The following NRG1 variants were observed in gnomAD, a reference collection of about 807,000 sequenced individuals.
NRG1 encodes neuregulin 1, also known as pro-neuregulin-1, membrane-bound isoform.
In NRG1, 18 loss-of-function variants were observed where a neutral mutation model predicts 63.8. The observed-to-expected ratio is 0.28, with a 90% confidence interval of 0.19 to 0.42. NRG1 has a LOEUF of 0.42. NRG1 is among the 10% of genes least tolerant of loss of function. The pLI, the probability that NRG1 is intolerant of heterozygous loss-of-function variation, is 1.00. For missense variants in NRG1, 762 were observed against 814.7 expected (o/e 0.94, Z 0.79); for synonymous variants, 302 against 301.3 (o/e 1.00, Z -0.02).
At chr8:31,733,040 T>G (rs947066738) in intron 1 of NRG1, among the ~76,000 whole-genome samples, 20 of 152,224 alleles carry the variant, frequency 1.3e-4, no homozygotes, top group Admixed American at 1.2e-3. Flanking sequence ...TAGCTCCCAC[T>G]TGTAAATGAG....
chr8:32,743,183 AT>A (rs1402852839), intron 7 of NRG1: 1 of 986,706 alleles, frequency 1.0e-6, no homozygotes, highest in African/African-American at 1.7e-5. Context: ...GTTAATTTTG[AT>A]TCAGAATGTG....
At chr8:32,457,129 C>T (rs982368708) in intron 1 of NRG1, among the ~76,000 whole-genome samples, 4 of 151,882 alleles carry the variant, frequency 2.6e-5, no homozygotes, top group African/African-American at 9.7e-5. Context: ...GAGACTTTCT[C>T]AAAAAAATAA....
At chr8:32,589,596 G>A (rs1416235246) in intron 1 of NRG1, among the ~76,000 whole-genome samples, 2 of 152,184 alleles carry the variant, frequency 1.3e-5, no homozygotes, top group East Asian at 3.8e-4. Flanking sequence ...CACAAACGTG[G>A]AGAGTAAAGA....
intron 1 of NRG1, among the ~76,000 whole-genome samples, chr8:31,928,344 G>A (rs1393634286): frequency 9.7e-6 from 1 of 102,728 alleles, no homozygotes; most frequent in East Asian, 2.5e-4. Context: ...ATTTTGGCAT[G>A]GATGTGGTAA....
intron 1 of NRG1, among the ~76,000 whole-genome samples, chr8:32,022,068 G>T (rs1057215876): frequency 1.3e-5 from 2 of 152,036 alleles, no homozygotes; most frequent in Admixed American, 6.5e-5. Flanking sequence ...TGTTGTTGTT[G>T]TTGTTATATC....
At chr8:32,478,620 T>C (rs1380065455) in intron 1 of NRG1, among the ~76,000 whole-genome samples, 1 of 152,024 alleles carries the variant, frequency 6.6e-6, no homozygotes, top group African/African-American at 2.4e-5. Flanking sequence ...GCATCAACAA[T>C]CAACTACGAA....
chr8:32,682,891 C>T (rs1809059597), intron 5 of NRG1, among the ~76,000 whole-genome samples: 1 of 151,924 alleles, frequency 6.6e-6, no homozygotes, highest in African/African-American at 2.4e-5. Flanking sequence ...AAGAAAATTC[C>T]TAGATAAACT....
chr8:32,612,347 G>A (rs1402698290), intron 3 of NRG1, among the ~76,000 whole-genome samples: 1 of 151,986 alleles, frequency 6.6e-6, no homozygotes, highest in African/African-American at 2.4e-5. Flanking sequence ...TAATTAAAAA[G>A]ATTAACTTTC....
intron 1 of NRG1, among the ~76,000 whole-genome samples, chr8:32,062,184 C>T (rs1823993834): frequency 6.6e-6 from 1 of 152,026 alleles, no homozygotes; most frequent in African/African-American, 2.4e-5. Context: ...TTCACTCATG[C>T]ATCTGTCATA....
chr8:31,944,676 CCTGATACACT>C (rs1245301628), intron 1 of NRG1, among the ~76,000 whole-genome samples: 2 of 151,952 alleles, frequency 1.3e-5, no homozygotes, highest in Non-Finnish European at 2.9e-5. Flanking sequence ...TAAACATACA[CCTGATACACT>C]CTCATCCTTT....
At chr8:32,044,259 C>A (rs1004385040) in intron 1 of NRG1, among the ~76,000 whole-genome samples, 1 of 151,814 alleles carries the variant, frequency 6.6e-6, no homozygotes, top group African/African-American at 2.4e-5. Context: ...GACATAACAA[C>A]CTTAACTATG....
At chr8:32,386,425 T>C (rs1811034701) in intron 1 of NRG1, among the ~76,000 whole-genome samples, 1 of 152,220 alleles carries the variant, frequency 6.6e-6, no homozygotes, top group Non-Finnish European at 1.5e-5. Flanking sequence ...TTGACTAGCT[T>C]ATCTTTAAAA....
intron 1 of NRG1, among the ~76,000 whole-genome samples, chr8:31,688,269 T>G (rs1809115155): frequency 1.3e-5 from 2 of 152,080 alleles, no homozygotes; most frequent in African/African-American, 4.8e-5. Context: ...GGAAGATGAT[T>G]ATTAGATCAT....
intron 6 of NRG1, among the ~76,000 whole-genome samples, 190 bp from the exon 7 acceptor site, chr8:32,741,818 C>G (rs1440651950): frequency 2.6e-5 from 4 of 152,112 alleles, no homozygotes. Flanking sequence ...AAGCAAACAA[C>G]AACAAAAATC....
chr8:31,848,094 A>G (rs1826858996), intron 1 of NRG1, among the ~76,000 whole-genome samples: 1 of 152,194 alleles, frequency 6.6e-6, no homozygotes, highest in South Asian at 2.1e-4. Flanking sequence ...GAAATGCACT[A>G]TTATAAATTT....
intron 1 of NRG1, among the ~76,000 whole-genome samples, chr8:32,003,761 T>C (rs1467204135): frequency 6.6e-6 from 1 of 151,828 alleles, no homozygotes; most frequent in East Asian, 1.9e-4. Context: ...AGCTACATTA[T>C]TGCAAATTTT....
upstream of NRG1, among the ~76,000 whole-genome samples, chr8:32,543,809 A>G (rs1037133427): frequency 1.3e-5 from 2 of 152,196 alleles, no homozygotes; most frequent in African/African-American, 2.4e-5. Flanking sequence ...CTGTCTTTAC[A>G]GCAGACAATG....
intron 1 of NRG1, among the ~76,000 whole-genome samples, chr8:31,645,805 A>G (rs1233206447): frequency 6.6e-6 from 1 of 152,228 alleles, no homozygotes; most frequent in African/African-American, 2.4e-5. Flanking sequence ...CAACTAAAAA[A>G]TCAAAAAGAA....
chr8:32,273,994 C>T lies in NRG1; in HGVS notation c.38-321834C>T, dbSNP rs957224719. Among the ~76,000 whole-genome samples the T allele has an allele frequency of 4.6e-5, 7 of 152,244 alleles. No individual in the cohort carries two copies. In the South Asian group the frequency reaches 8.3e-4, roughly 18 times the overall value. Reference sequence around the variant, plus strand: ...CAAAACTGAGGAGTTAATGTCTTTACGTGCTTTTTCACAAACATTCCTTAT... The same window carrying T: ...CAAAACTGAGGAGTTAATGTCTTTATGTGCTTTTTCACAAACATTCCTTAT... On this transcript the variant is annotated intron_variant, in intron 1 of 10. Coordinates refer to the NRG1 transcript ENST00000519301.
Sources: gnomAD v4.1 joint callset for allele counts (sites outside exome capture counted in the v4.1 genomes callset) on GRCh38, gnomAD v4.1.1 for gene constraint, MANE v1.5 for transcripts, NCBI Gene and HGNC (gene_info 2026-07-23, HGNC 2026-07-21) for gene names.